SCAF8: variants seen among roughly 807,000 people sequenced by gnomAD.
SCAF8 encodes SR-related and CTD-associated factor 8.
A neutral mutation model predicts 140.5 loss-of-function variants in SCAF8; 23 were observed. The ratio of observed to expected loss-of-function variants is 0.16; its 90% CI spans 0.12 to 0.23. The LOEUF (loss-of-function observed/expected upper bound fraction) is 0.23, where lower values mean the gene tolerates loss of function less well. Among genes scored for constraint, SCAF8 ranks in the 10% least tolerant of loss-of-function variants. The probability of loss-of-function intolerance (pLI) is 1.00; values close to 1 mark genes in which losing one functional copy is unlikely to be tolerated. For missense variants in SCAF8, 1,397 were observed against 1,555.7 expected, an observed-to-expected ratio of 0.90 and a Z score of 1.72; for synonymous variants, 575 against 528.9, an observed-to-expected ratio of 1.09 and a Z score of -1.20.
At chr6:154,770,900 A>G (rs1187789932) in intron 1 of SCAF8, among the ~76,000 whole-genome samples, 1 of 152,010 alleles carries the variant, frequency 6.6e-6, no homozygotes, top group Non-Finnish European at 1.5e-5. Context: ...ATTTACCACT[A>G]CACCTGGGTA....
chr6:154,742,951 G>A (rs1426766132), intron 1 of SCAF8, among the ~76,000 whole-genome samples: 1 of 127,656 alleles, frequency 7.8e-6, no homozygotes, highest in Admixed American at 8.4e-5. Context: ...CGCGGCCTAG[G>A]GATTTTTTTT....
intron 9 of SCAF8, 69 bp from the exon 10 acceptor site, chr6:154,808,001 G>A: frequency 7.3e-7 from 1 of 1,374,742 alleles, no homozygotes. Flanking sequence ...GATGTTTGCT[G>A]TGTTTACATT....
intron 6 of SCAF8, among the ~76,000 whole-genome samples, chr6:154,798,822 C>G (rs1455750335): frequency 6.6e-6 from 1 of 151,216 alleles, no homozygotes; most frequent in Non-Finnish European, 1.5e-5. Context: ...GTTTTTGAGA[C>G]AGGGTTTTGC....
intron 1 of SCAF8, among the ~76,000 whole-genome samples, chr6:154,741,449 C>T (rs955989222): frequency 2.2e-4 from 34 of 151,966 alleles, no homozygotes; most frequent in Admixed American, 2.0e-3. Context: ...CTTCTTCGCC[C>T]GGGCTGGAGT....
rs796201340 is a variant in SCAF8 at position 154,811,707 on chromosome 6, G to A, written c.1420+1499G>A. On this transcript the variant is annotated intron_variant, in intron 12 of 19. Coordinates refer to ENST00000367178, the MANE Select transcript of SCAF8 (RefSeq NM_014892.5). ...CCCCCAACCCCCCATCCCCCTGACA[G>A]ACCCCAGTGTGTGATGCTCCCCGCC... Among the ~76,000 whole-genome samples, 14 of 121,036 alleles carry A rather than the reference G, an allele frequency of 1.2e-4. 1 individual carries two copies. In the South Asian group the frequency reaches 3.7e-3, roughly 32 times the overall value. 79.4% of individuals were successfully genotyped at this position (121,036 alleles called of 152,430 possible).
At chr6:154,793,839 A>AAT (rs1554261614) in intron 5 of SCAF8, among the ~76,000 whole-genome samples, 173 of 142,568 alleles carry the variant, frequency 1.2e-3, no homozygotes, top group Middle Eastern at 3.9e-3. Flanking sequence ...AAAAAAAAAA[A>AAT]TTTTTTTAAA....
Position 154,830,974 on chromosome 6 carries a change from A to G in SCAF8, c.2193A>G (p.Gly731=). Residue 731 remains glycine (G), a synonymous_variant, in exon 19 of 20, where the codon GGA becomes GGG. Transcript: ENST00000367178. Reference sequence around the variant, plus strand: ...CACCGGAAACTGTGAAAGATGTTGGATTTGGTAGCCTTGTTATACCAGGCG... The same window carrying G: ...CACCGGAAACTGTGAAAGATGTTGGGTTTGGTAGCCTTGTTATACCAGGCG... ...SMTPETVKDV[G]FGSLVIPGGS... The G allele has an allele frequency of 6.2e-7, 1 of 1,614,070 alleles. No homozygotes were observed. The highest frequency in any genetic ancestry group is 1.1e-5 in the South Asian group (1 of 91,086).
intron 4 of SCAF8, among the ~76,000 whole-genome samples, chr6:154,790,435 A>G (rs1479484153): frequency 6.7e-6 from 1 of 149,580 alleles, no homozygotes; most frequent in Non-Finnish European, 1.5e-5. Context: ...GTTGAACCAG[A>G]TCTTTATTCT....
At chr6:154,758,344 CT>C (rs1779017259) in intron 1 of SCAF8, among the ~76,000 whole-genome samples, 1 of 152,128 alleles carries the variant, frequency 6.6e-6, no homozygotes, top group African/African-American at 2.4e-5. Context: ...TCTGTCTTGC[CT>C]TTTTGTGGTG....
At chr6:154,746,928 C>T (rs1475222614) in intron 1 of SCAF8, among the ~76,000 whole-genome samples, 1 of 152,142 alleles carries the variant, frequency 6.6e-6, no homozygotes, top group African/African-American at 2.4e-5. Flanking sequence ...CTAGCTTCAA[C>T]GTCATAACTA....
chr6:154,745,910 C>T (rs371491675), intron 1 of SCAF8, among the ~76,000 whole-genome samples: 1 of 151,998 alleles, frequency 6.6e-6, no homozygotes, highest in East Asian at 1.9e-4. Flanking sequence ...GACAGAGTCT[C>T]ACTCTGTCAC....
At chr6:154,825,267 C>A (rs1778532786) in intron 17 of SCAF8, 1 of 152,086 alleles carries the variant, frequency 6.6e-6, no homozygotes. Context: ...GTATGTGCTG[C>A]CAAAGCAAGT....
At chr6:154,805,137 C>CAG (rs1434791729) in intron 8 of SCAF8, among the ~76,000 whole-genome samples, 3 of 152,096 alleles carry the variant, frequency 2.0e-5, no homozygotes, top group Non-Finnish European at 4.4e-5. Context: ...AGATCTTCAG[C>CAG]AGAGCATCTC....
At chr6:154,777,864 GA>G (rs1776962020) in intron 2 of SCAF8, 136 bp from the exon 3 acceptor site, 1 of 629,348 alleles carries the variant, frequency 1.6e-6, no homozygotes, top group Non-Finnish European at 2.8e-6. Flanking sequence ...TGAGTGACAA[GA>G]ATGTTTGTCT....
chr6:154,738,138 C>G (rs567643849), intron 1 of SCAF8, among the ~76,000 whole-genome samples: 2 of 151,558 alleles, frequency 1.3e-5, no homozygotes, highest in African/African-American at 2.4e-5. Context: ...AGTGCAATTA[C>G]TGCACCTGTG....
Position 154,832,438 on chromosome 6 carries a change from A to G in SCAF8, c.2859A>G (p.Pro953=). The change falls in exon 20 of 20, where the codon CCA becomes CCG. Residue 953 remains proline, a synonymous_variant. Transcript: ENST00000367178. Reference sequence around the variant, plus strand: ...GAATTCCACCCCAACGGGGAATCCCACCCCCATCGGTACTTGATTCAGCTC... The same window carrying G: ...GAATTCCACCCCAACGGGGAATCCCGCCCCCATCGGTACTTGATTCAGCTC... The part of the protein sequence containing the change: ...QPGIPPQRGI[P]PPSVLDSALH... The G allele has an allele frequency of 6.2e-7, 1 of 1,613,940 alleles. No homozygotes were observed. Among genetic ancestry groups the G allele is most frequent in the Non-Finnish European group, 8.5e-7 (1 of 1,179,960 alleles).
intron 12 of SCAF8, among the ~76,000 whole-genome samples, chr6:154,813,969 G>A (rs1274618875): frequency 6.6e-6 from 1 of 152,198 alleles, no homozygotes; most frequent in Non-Finnish European, 1.5e-5. Flanking sequence ...CTGACCCATA[G>A]TAGATCTTCA....
chr6:154,833,447 AATAG>A lies in SCAF8; in HGVS notation c.*56_*59del. The A allele has an allele frequency of 3.9e-6, 6 of 1,531,928 alleles. No individual in the cohort carries two copies. Among genetic ancestry groups the A allele is most frequent in the Non-Finnish European group, 4.4e-6 (5 of 1,130,336 alleles). The allele number at this position is 1,531,928 out of a possible 1,614,324, so 94.9% of individuals were successfully genotyped here. A position where few individuals can be genotyped will look rare whatever the true frequency, so the allele number is the denominator to read the frequency against. On this transcript the variant is annotated 3_prime_UTR_variant, in exon 20 of 20. Coordinates refer to ENST00000367178, the MANE Select transcript of SCAF8 (RefSeq NM_014892.5). ...TTTTGTAAAGTTGTCATCTCTCTGTAATAGATAATGGCTGACTGGACCATAGTTG... is the reference window on the plus strand; with the variant it reads ...TTTTGTAAAGTTGTCATCTCTCTGTAATAATGGCTGACTGGACCATAGTTG...
intron 3 of SCAF8, among the ~76,000 whole-genome samples, chr6:154,780,809 C>A (rs139629802): frequency 1.3e-5 from 2 of 152,088 alleles, no homozygotes; most frequent in East Asian, 3.9e-4. Context: ...TCTTTGCTAT[C>A]GTGAATAGTG....
Sources: gnomAD v4.1 joint callset for allele counts (sites outside exome capture counted in the v4.1 genomes callset) on GRCh38, gnomAD v4.1.1 for gene constraint, MANE v1.5 for transcripts, NCBI Gene and HGNC (gene_info 2026-07-23, HGNC 2026-07-21) for gene names.